The following RPTOR variants were observed in gnomAD, a reference collection of about 807,000 sequenced individuals.
RPTOR encodes regulatory-associated protein of mTOR.
In RPTOR, 21 loss-of-function variants were observed where a neutral mutation model predicts 169.9. The ratio of observed to expected loss-of-function variants is 0.12; its 90% CI spans 0.09 to 0.18. RPTOR has a LOEUF of 0.18. Among genes scored for constraint, RPTOR ranks in the 10% least tolerant of loss-of-function variants. RPTOR has a pLI of 1.00. For missense variants in RPTOR, 1,133 were observed against 1,855.9 expected, an observed-to-expected ratio of 0.61 and a Z score of 7.16; for synonymous variants, 732 against 753.2, an observed-to-expected ratio of 0.97 and a Z score of 0.46.
chr17:80,768,275 C>G (rs145309871), intron 6 of RPTOR, among the ~76,000 whole-genome samples: 1 of 152,118 alleles, frequency 6.6e-6, no homozygotes, highest in Non-Finnish European at 1.5e-5. Context: ...GTCTGTCTAA[C>G]GGGAGAACCA....
intron 1 of RPTOR, among the ~76,000 whole-genome samples, chr17:80,574,017 C>T (rs892517435): frequency 1.3e-5 from 2 of 152,176 alleles, no homozygotes; most frequent in Non-Finnish European, 2.9e-5. Context: ...CCCGAGAGTT[C>T]GTGTCCAGGT....
intron 2 of RPTOR, among the ~76,000 whole-genome samples, chr17:80,635,398 T>C (rs1318568973): frequency 1.3e-5 from 2 of 152,082 alleles, no homozygotes; most frequent in Non-Finnish European, 2.9e-5. Flanking sequence ...GAAGAAGGGA[T>C]TTTAGCATTT....
intron 5 of RPTOR, among the ~76,000 whole-genome samples, chr17:80,738,395 A>G (rs979121732): frequency 1.3e-5 from 2 of 152,204 alleles, no homozygotes; most frequent in African/African-American, 4.8e-5. Context: ...GGGGAGATAA[A>G]GGTCTTTTTT....
At chr17:80,620,530 G>T (rs1369958136) in intron 1 of RPTOR, among the ~76,000 whole-genome samples, 1 of 152,158 alleles carries the variant, frequency 6.6e-6, no homozygotes, top group Non-Finnish European at 1.5e-5. Flanking sequence ...TTTGGGAGGC[G>T]GATGCTGCCA....
chr17:80,798,343 A>T (rs2067121531), intron 7 of RPTOR, among the ~76,000 whole-genome samples: 2 of 152,214 alleles, frequency 1.3e-5, no homozygotes. Context: ...CATGCGTCAC[A>T]GCATGTGGCC....
intron 3 of RPTOR, among the ~76,000 whole-genome samples, chr17:80,666,853 G>T (rs1175765284): frequency 2.6e-5 from 4 of 152,104 alleles, no homozygotes; most frequent in Non-Finnish European, 4.4e-5. Context: ...GGGTGATGGC[G>T]AGTTCTCTTG....
chr17:80,592,756 A>C (rs2065116339), intron 1 of RPTOR, among the ~76,000 whole-genome samples: 1 of 152,178 alleles, frequency 6.6e-6, no homozygotes, highest in Non-Finnish European at 1.5e-5. Context: ...ACATTCCTAC[A>C]AATTTAGTGT....
At chr17:80,895,753 C>G (rs1160288592) in intron 20 of RPTOR, among the ~76,000 whole-genome samples, 1 of 152,254 alleles carries the variant, frequency 6.6e-6, no homozygotes, top group Non-Finnish European at 1.5e-5. Context: ...TCGCCACTCT[C>G]TACCACGCCG....
In RPTOR at chr17:80,767,626, T is replaced by C. The variant is rs536963878; in HGVS notation, c.830+13441T>C. 4.6e-5 allele frequency among the ~76,000 whole-genome samples: 7 copies of C among 152,280 alleles called. No individual in the cohort carries two copies. In the East Asian group the frequency reaches 9.6e-4, roughly 21 times the overall value. On this transcript the variant is annotated intron_variant, in intron 6 of 33. Coordinates refer to ENST00000306801, the MANE Select transcript of RPTOR (RefSeq NM_020761.3). Reference sequence around the variant, plus strand: ...CTTTACTAGTGAATTTTACCAAACCTTTAAGATGAACAGAATAGACAGACA... The same window carrying C: ...CTTTACTAGTGAATTTTACCAAACCCTTAAGATGAACAGAATAGACAGACA...
At position 80,961,405 on chromosome 17, in the gene RPTOR, C is replaced by T. The variant is rs138318172; in HGVS notation, c.3617C>T (p.Thr1206Met). ...CCCCTCCCCTACAGCCGCGTCATGA[C>T]GTACCGGGAGCACACAGCCTGGGTG... ...RMALSECRVMTYREHTAWVVK... is the reference protein window; with the variant it reads ...RMALSECRVMMYREHTAWVVK... Residue 1206 changes from threonine (T) to methionine (M), a missense_variant, in exon 31 of 34, where the codon ACG becomes ATG. Physicochemically the swap from Thr to Met is moderately conservative, Grantham distance 81. Coordinates refer to ENST00000306801, the MANE Select transcript of RPTOR (RefSeq NM_020761.3). The T allele has an allele frequency of 5.5e-5, 85 of 1,549,446 alleles. No individual in the cohort carries two copies. Among genetic ancestry groups the T allele is most frequent in the Middle Eastern group, 2.1e-4 (1 of 4,652 alleles).
rs536119701 is a variant in RPTOR at position 80,722,930 on chromosome 17, G to C, written c.508-7630G>C. ...GCTGCCTTGTCCTCTGGTCCTCCCA[G>C]CCTGGGATGGTTCCTCAGCTGTTCT... On this transcript the variant is annotated intron_variant, in intron 4 of 33. Transcript: ENST00000306801. Among the ~76,000 whole-genome samples the C allele has an allele frequency of 1.4e-4, 21 of 151,514 alleles. 1 individual carries two copies. The highest frequency in any genetic ancestry group is 5.1e-4 in the African/African-American group (21 of 40,786).
chr17:80,725,190 A>C (rs1025452364), intron 4 of RPTOR, among the ~76,000 whole-genome samples: 1 of 152,206 alleles, frequency 6.6e-6, no homozygotes, highest in Non-Finnish European at 1.5e-5. Flanking sequence ...GACAGCCTGC[A>C]GGCTTCAGTG....
chr17:80,601,679 A>G (rs2065189274), intron 1 of RPTOR, among the ~76,000 whole-genome samples: 1 of 20,856 alleles, frequency 4.8e-5, no homozygotes, highest in Non-Finnish European at 9.5e-5. Flanking sequence ...CAAGTGAACA[A>G]AGGTCTCTGG....
chr17:80,694,700 G>A (rs1332156231), intron 3 of RPTOR, among the ~76,000 whole-genome samples: 2 of 152,218 alleles, frequency 1.3e-5, no homozygotes, highest in Non-Finnish European at 2.9e-5. Context: ...TTTTCCCGAG[G>A]AGATGTGGTA....
intron 3 of RPTOR, among the ~76,000 whole-genome samples, chr17:80,696,160 A>G (rs948377546): frequency 6.6e-6 from 1 of 152,196 alleles, no homozygotes; most frequent in Non-Finnish European, 1.5e-5. Flanking sequence ...TTCCATTTAA[A>G]CAGACAAGAT....
intron 7 of RPTOR, chr17:80,804,483 G>A (rs2067197293): frequency 1.3e-5 from 2 of 152,266 alleles, no homozygotes; most frequent in Admixed American, 1.3e-4. Flanking sequence ...AAGTGCAAGA[G>A]AGCTCCTTTC....
intron 3 of RPTOR, among the ~76,000 whole-genome samples, chr17:80,674,449 A>C (rs1175525929): frequency 2.6e-5 from 4 of 152,222 alleles, no homozygotes; most frequent in African/African-American, 9.7e-5. Flanking sequence ...CCCTGTGTGC[A>C]AATGAAGAAC....
In RPTOR at chr17:80,587,068, C is replaced by T. The variant is rs182651922; in HGVS notation, c.163-38623C>T. Among the ~76,000 whole-genome samples, 3 of 152,358 alleles carry T rather than the reference C, an allele frequency of 2.0e-5. No homozygotes were observed. In the East Asian group the frequency reaches 5.8e-4, roughly 29 times the overall value. The stretch of plus-strand genomic sequence containing the variant: ...ACAGAAGGACGCGCAGCCAAGTATG[C>T]GGTGGAATATCCAGAAACAACACGG... On this transcript the variant is annotated intron_variant, in intron 1 of 33. Coordinates refer to ENST00000306801, the MANE Select transcript of RPTOR (RefSeq NM_020761.3).
At chr17:80,583,393 G>A (rs1319524969) in intron 1 of RPTOR, among the ~76,000 whole-genome samples, 4 of 152,122 alleles carry the variant, frequency 2.6e-5, no homozygotes, top group Non-Finnish European at 5.9e-5. Context: ...GTTTTGCCAT[G>A]TTGGCCAGGC....
Sources: allele counts gnomAD v4.1 joint callset (sites outside exome capture counted in the v4.1 genomes callset), GRCh38; gene constraint gnomAD v4.1.1; transcripts MANE v1.5; gene names NCBI Gene and HGNC (gene_info 2026-07-23, HGNC 2026-07-21).